Variants in PLEC observed in about 807,000 individuals in gnomAD.
The protein encoded by PLEC is hemidesmosomal protein 1.
PLEC carries 216 observed loss-of-function variants against 392.8 expected under a neutral mutation model. That is an observed-to-expected ratio of 0.55 (90% CI 0.49 to 0.62). The LOEUF (loss-of-function observed/expected upper bound fraction) is 0.62. Ranked by LOEUF, PLEC falls within the 20% of genes least tolerant of loss-of-function variation. The pLI is 0.00. For missense variants in PLEC, 6,863 were observed against 6,563.4 expected, an observed-to-expected ratio of 1.05 and a Z score of -1.58; for synonymous variants, 3,621 against 2,980.6, an observed-to-expected ratio of 1.21 and a Z score of -7.00.
chr8:143,922,982 A>G lies in PLEC; in HGVS notation c.6947T>C (p.Met2316Thr), dbSNP rs782572408. ...TCGCGTGGCCTCCTGCACCGCCTGC[A>G]TCTTCTCCTTGAGCATCTTCTCTGC... Reference protein sequence around the residue: ...ALAEKMLKEKMQAVQEATRLK... With the variant: ...ALAEKMLKEKTQAVQEATRLK... The change falls in exon 31 of 32, where the codon ATG (methionine) becomes ACG (threonine). Residue 2316 changes from methionine (M) to threonine (T), a missense_variant. Coordinates refer to ENST00000345136, the MANE Select transcript of PLEC (RefSeq NM_201384.3). 36 of 1,611,258 alleles carry G rather than the reference A, an allele frequency of 2.2e-5. No individual in the cohort carries two copies. Among genetic ancestry groups the G allele is most frequent in the Non-Finnish European group, 3.0e-5 (35 of 1,179,428 alleles).
At chr8:143,948,398 G>T (rs372276483) in intron 1 of PLEC, among the ~76,000 whole-genome samples, 20 of 152,326 alleles carry the variant, frequency 1.3e-4, no homozygotes, top group African/African-American at 4.6e-4. Flanking sequence ...GGTATCATCA[G>T]AACTGCCCCG....
intron 1 of PLEC, among the ~76,000 whole-genome samples, chr8:143,949,179 C>G (rs1258112751): frequency 6.6e-6 from 1 of 152,226 alleles, no homozygotes; most frequent in African/African-American, 2.4e-5. Flanking sequence ...AAACTTGGGC[C>G]TCCCCTGGGC....
At position 143,925,245 on chromosome 8, in the gene PLEC, G is replaced by C; in HGVS notation, c.4684C>G (p.Gln1562Glu). ...LRQAEVERARQVQVALETAQR... is the reference protein window; with the variant it reads ...LRQAEVERAREVQVALETAQR... ...GCCGTCTCCAGGGCCACCTGTACCT[G>C]CCGCGCTCGCTCCACCTCGGCCTGC... Residue 1562 changes from glutamine (Q) to glutamate (E), a missense_variant, in exon 31 of 32, where the codon CAG becomes GAG. Transcript: ENST00000345136. 6.3e-7 allele frequency: 1 copy of C among 1,588,648 alleles called. No individual in the cohort carries two copies.
Position 143,924,364 on chromosome 8 carries a change from C to T in PLEC, c.5565G>A (p.Ala1855=), listed in dbSNP as rs782584101. Residue 1855 remains alanine (A), a synonymous_variant, in exon 31 of 32, where the codon GCG becomes GCA. Transcript: ENST00000345136. Reference sequence around the variant, plus strand: ...CGTTCTCCGCCTCCTTCTCCTTGAGCGCGATCTCCGCCTCCGTCTTGAGCC... The same window carrying T: ...CGTTCTCCGCCTCCTTCTCCTTGAGTGCGATCTCCGCCTCCGTCTTGAGCC... ...ATRLKTEAEI[A]LKEKEAENER... 183 of 1,596,778 alleles carry T rather than the reference C, an allele frequency of 1.1e-4. 2 individuals are homozygous for T. In the South Asian group the frequency reaches 1.5e-3, roughly 13 times the overall value.
Position 143,929,319 on chromosome 8 carries a change from G to A in PLEC, c.3082-38C>T, listed in dbSNP as rs782424928. 8 of 1,594,884 alleles carry A rather than the reference G, an allele frequency of 5.0e-6. No homozygotes were observed. In the Admixed American group the frequency reaches 5.1e-5, roughly 10 times the overall value. ...GGAGTGGGAACGCACTCATCACCGA[G>A]CGCAGCACACAGCGCCCCTTGAAGG... On this transcript the variant is annotated intron_variant, in intron 24 of 31. Transcript: ENST00000345136.
Position 143,918,360 on chromosome 8 carries a change from C to T in PLEC, c.11461G>A (p.Glu3821Lys). ...AGGTAGCCACGCTGGTAAGCCACCT[C>T]CAGGGGAAGGTGGAAGCCCAGGCGG... Reference protein sequence around the residue: ...DPRLGFHLPLEVAYQRGYLNK... With the variant: ...DPRLGFHLPLKVAYQRGYLNK... The change falls in exon 32 of 32, where the codon GAG becomes AAG. Residue 3821 changes from glutamate (E) to lysine (K), a missense_variant. By Grantham distance (56) the Glu-to-Lys change is moderately conservative (BLOSUM62 1). Transcript: ENST00000345136. 6.3e-7 allele frequency: 1 copy of T among 1,574,860 alleles called. No individual in the cohort carries two copies. The highest frequency in any genetic ancestry group is 1.1e-5 in the South Asian group (1 of 88,248).
In PLEC at chr8:143,950,266, C is replaced by T. The variant is rs782232173; in HGVS notation, c.441G>A (p.Glu147=). 5.7e-6 allele frequency: 9 copies of T among 1,570,016 alleles called. No individual in the cohort carries two copies. The African/African-American group carries it at 1.1e-4, about 19-fold the overall frequency. ...GCACCACAGGGGTCTCAGGTGACAC[C>T]TCCTCAAGCTCCTTCCGACGGTAGA... Residue 147 remains glutamate, a synonymous_variant, in exon 1 of 32, where the codon GAG becomes GAA. Coordinates refer to the PLEC transcript ENST00000322810.
rs782623232 is a variant in PLEC at position 143,922,904 on chromosome 8, T to C, written c.7025A>G (p.Gln2342Arg). The change falls in exon 31 of 32, where the codon CAG (glutamine) becomes CGG (arginine). Residue 2342 changes from glutamine (Q) to arginine (R), a missense_variant. By Grantham distance (43) the Gln-to-Arg change is conservative. Coordinates refer to ENST00000345136, the MANE Select transcript of PLEC (RefSeq NM_201384.3). ...CTTGTCCTCCTGCAGCCGCCGCGCCTGCTCCTGCGCAAGCTCCTTCTGCTG... is the reference window on the plus strand; with the variant it reads ...CTTGTCCTCCTGCAGCCGCCGCGCCCGCTCCTGCGCAAGCTCCTTCTGCTG... ...LQQQKELAQE[Q>R]ARRLQEDKEQ... 1 of 1,593,264 alleles carries C rather than the reference T, an allele frequency of 6.3e-7. No homozygotes were observed. Among genetic ancestry groups the C allele is most frequent in the East Asian group, 2.3e-5 (1 of 43,814 alleles).
upstream of PLEC, among the ~76,000 whole-genome samples, chr8:143,951,468 A>G (rs1463678228): frequency 6.6e-6 from 1 of 152,066 alleles, no homozygotes; most frequent in Non-Finnish European, 1.5e-5. Flanking sequence ...CAGGCGGGCA[A>G]ACGGACAGAG....
At chr8:143,929,038 C>T in intron 25 of PLEC, 65 bp downstream of exon 25, 1 of 1,434,538 alleles carries the variant, frequency 7.0e-7, no homozygotes, top group Non-Finnish European at 9.6e-7. Context: ...CCTGCAAGGT[C>T]ACAGCCCTCA....
intron 1 of PLEC, among the ~76,000 whole-genome samples, chr8:143,959,455 G>C (rs558109533): frequency 6.6e-6 from 1 of 152,366 alleles, no homozygotes; most frequent in East Asian, 1.9e-4. Context: ...GACCAGGCTC[G>C]GGGTCCGGGA....
chr8:143,935,272 T>C lies in PLEC; in HGVS notation c.644A>G (p.Asn215Ser), dbSNP rs1828715357. The C allele has an allele frequency of 6.2e-7, 1 of 1,610,464 alleles. No homozygotes were observed. The highest frequency in any genetic ancestry group is 1.1e-5 in the South Asian group (1 of 91,044). Reference protein sequence around the residue: ...IDMNKVYRQTNLENLDQAFSV... With the variant: ...IDMNKVYRQTSLENLDQAFSV... Reference sequence around the variant, plus strand: ...GAAGGCCTGGTCCAGGTTCTCCAGGTTGGTCTGCCGGTACACCTTGTTCAT... The same window carrying C: ...GAAGGCCTGGTCCAGGTTCTCCAGGCTGGTCTGCCGGTACACCTTGTTCAT... The change falls in exon 7 of 32, where the codon AAC becomes AGC. Residue 215 changes from asparagine (N) to serine (S), a missense_variant. Transcript: ENST00000345136.
Position 143,929,547 on chromosome 8 carries a change from T to C in PLEC, c.2948A>G (p.Gln983Arg). ...GTCTTTGAGCTCGGAGATGCAGCGC[T>C]GGCAGCGAGACTCTTCCTGTGCACC... The part of the protein sequence containing the change: ...EQGAQEESRC[Q>R]RCISELKDIR... Residue 983 changes from glutamine to arginine, a missense_variant, in exon 24 of 32, where the codon CAG becomes CGG. Physicochemically the swap from Gln to Arg is conservative, Grantham distance 43. Coordinates refer to ENST00000345136, the MANE Select transcript of PLEC (RefSeq NM_201384.3). The C allele has an allele frequency of 6.2e-7, 1 of 1,612,630 alleles. No individual in the cohort carries two copies. Among genetic ancestry groups the C allele is most frequent in the African/African-American group, 1.3e-5 (1 of 75,054 alleles).
chr8:143,950,075 G>T, intron 1 of PLEC: 1 of 1,378,060 alleles, frequency 7.3e-7, no homozygotes, highest in Non-Finnish European at 9.6e-7. Flanking sequence ...GCGACGCTCC[G>T]CAAGCCGGCT....
Position 143,923,063 on chromosome 8 carries a change from T to C in PLEC, c.6866A>G (p.Glu2289Gly). Residue 2289 changes from glutamate to glycine, a missense_variant, in exon 31 of 32, where the codon GAG becomes GGG. Glu to Gly is a moderately conservative substitution (Grantham distance 98). Coordinates refer to ENST00000345136, the MANE Select transcript of PLEC (RefSeq NM_201384.3). The stretch of plus-strand genomic sequence containing the variant: ...TGCCAGCTGCCGCAGTCGCGCAGCC[T>C]CTTGGGCCGCCACACTCAGCCGCGC... Reference protein sequence around the residue: ...EAARLSVAAQEAARLRQLAEE... With the variant: ...EAARLSVAAQGAARLRQLAEE... 1.2e-6 allele frequency: 2 copies of C among 1,610,000 alleles called. No homozygotes were observed.
At chr8:143,946,589 C>G (rs1831513034) in intron 1 of PLEC, 1 of 344,282 alleles carries the variant, frequency 2.9e-6, no homozygotes, top group African/African-American at 2.2e-5. Flanking sequence ...GCAGACCTGC[C>G]TGGGGGTGCA....
At chr8:143,934,542 G>C in intron 10 of PLEC, 93 bp downstream of exon 10, 4 of 1,597,676 alleles carry the variant, frequency 2.5e-6, no homozygotes, top group African/African-American at 1.3e-5. Context: ...GGACAGCCCT[G>C]GTCCCAAAGG....
At chr8:143,946,325 C>G (rs1554732175) in intron 1 of PLEC, 1 of 1,287,300 alleles carries the variant, frequency 7.8e-7, no homozygotes, top group Non-Finnish European at 1.0e-6. Flanking sequence ...CTGCCTCCCA[C>G]AGCCCCCAGC....
Position 143,921,715 on chromosome 8 carries a change from C to G in PLEC, c.8106G>C (p.Leu2702Phe). 6.2e-7 allele frequency: 1 copy of G among 1,612,970 alleles called. No individual in the cohort carries two copies. ...TCAGCTTCTCATTGGTGGCCTTCAG[C>G]AACAGCCCTGCGATACTGCTGCGGC... The part of the protein sequence containing the change: ...LQGRSSIAGL[L>F]LKATNEKLSV... Residue 2702 changes from leucine (L) to phenylalanine (F), a missense_variant, in exon 32 of 32, where the codon TTG becomes TTC. Coordinates refer to ENST00000345136, the MANE Select transcript of PLEC (RefSeq NM_201384.3).
Sources: gnomAD v4.1 joint callset for allele counts (sites outside exome capture counted in the v4.1 genomes callset) on GRCh38, gnomAD v4.1.1 for gene constraint, MANE v1.5 for transcripts, NCBI Gene and HGNC (gene_info 2026-07-23, HGNC 2026-07-21) for gene names.